SUCO: variants seen among roughly 807,000 people sequenced by gnomAD.
SUCO encodes the protein SUN domain-containing ossification factor.
In SUCO, 57 loss-of-function variants were observed where a neutral mutation model predicts 148.1. The observed-to-expected ratio is 0.38, with a 90% CI of 0.31 to 0.48. SUCO has a LOEUF of 0.48. Among genes scored for constraint, SUCO ranks in the 20% least tolerant of loss-of-function variants. SUCO has a pLI of 0.96. For synonymous variants in SUCO, 470 were observed against 502.7 expected, an observed-to-expected ratio of 0.93 and a Z score of 0.87; for missense variants, 1,331 against 1,468.2, an observed-to-expected ratio of 0.91 and a Z score of 1.53.
intron 2 of SUCO, chr1:172,552,504 C>T (rs944690196): frequency 3.3e-6 from 1 of 304,528 alleles, no homozygotes; most frequent in East Asian, 1.7e-4. Flanking sequence ...TGTGTGCACA[C>T]ATGTGGGTGT....
chr1:172,591,025 A>G lies in SUCO; in HGVS notation c.2867A>G (p.Lys956Arg). ...GAAGAAATGCAAAAGGCTTTCAATA[A>G]AACAATCGTGAAACTTCAGAATACT... The part of the protein sequence containing the change: ...QMEEMQKAFN[K>R]TIVKLQNTSR... The change falls in exon 19 of 24, where the codon AAA (lysine) becomes AGA (arginine). Residue 956 changes from lysine (K) to arginine (R), a missense_variant. Coordinates refer to ENST00000263688, the MANE Select transcript of SUCO (RefSeq NM_014283.5). 1.2e-6 allele frequency: 2 copies of G among 1,612,696 alleles called. No individual in the cohort carries two copies. Among genetic ancestry groups the G allele is most frequent in the Non-Finnish European group, 1.7e-6 (2 of 1,179,234 alleles).
chr1:172,540,050 T>C (rs1447467628), intron 1 of SUCO, among the ~76,000 whole-genome samples: 5 of 152,228 alleles, frequency 3.3e-5, no homozygotes, highest in African/African-American at 1.2e-4. Flanking sequence ...TTCAGTGTAA[T>C]ATGCATTAAA....
chr1:172,540,180 A>G (rs189345505), intron 1 of SUCO, among the ~76,000 whole-genome samples: 43 of 152,360 alleles, frequency 2.8e-4, no homozygotes, highest in Non-Finnish European at 1.0e-4. Context: ...CCAGGAAGCA[A>G]CAGAGCCAGA....
chr1:172,575,727 A>G lies in SUCO; in HGVS notation c.1263+104A>G, dbSNP rs374619016. On this transcript the variant is annotated intron_variant, in intron 11 of 23. Coordinates refer to ENST00000263688, the MANE Select transcript of SUCO (RefSeq NM_014283.5). ...AGAAATCAGAAAAGTTAAGAAATAGACTACACTATACCACTTAATAGATAA... is the reference window on the plus strand; with the variant it reads ...AGAAATCAGAAAAGTTAAGAAATAGGCTACACTATACCACTTAATAGATAA... 2.5e-5 allele frequency: 17 copies of G among 684,906 alleles called. No homozygotes were observed. In the Middle Eastern group the frequency reaches 9.8e-4, roughly 39 times the overall value. 42.4% of individuals were successfully genotyped at this position (684,906 alleles called of 1,614,324 possible). A position where few individuals can be genotyped will look rare whatever the true frequency, so the allele number is the denominator to read the frequency against.
chr1:172,569,643 CAT>C (rs1654798188), intron 7 of SUCO, among the ~76,000 whole-genome samples: 1 of 152,066 alleles, frequency 6.6e-6, no homozygotes, highest in South Asian at 2.1e-4. Flanking sequence ...CACCATGGCA[CAT>C]GTTTACCTAT....
intron 6 of SUCO, among the ~76,000 whole-genome samples, chr1:172,566,776 C>G (rs2149242756): frequency 6.6e-6 from 1 of 152,296 alleles, no homozygotes; most frequent in Non-Finnish European, 1.5e-5. Context: ...CCAGGTGTTG[C>G]CATGGCAGTG....
rs1177522962 is a variant in SUCO, at chr1:172,611,145, A to T, written c.*886A>T. ...ATAAAATTTGAAGGTTTGGCCAATT[A>T]GTACAAGTCTCATGATATAATCACT... On this transcript the variant is annotated 3_prime_UTR_variant, in exon 24 of 24. Transcript: ENST00000263688. 4 of 152,776 alleles carry T rather than the reference A, an allele frequency of 2.6e-5. No individual in the cohort carries two copies. Among genetic ancestry groups the T allele is most frequent in the Non-Finnish European group, 4.4e-5 (3 of 68,018 alleles). The allele number at this position is 152,776 out of a possible 1,614,324, so 9.5% of individuals were successfully genotyped here. A position where few individuals can be genotyped will look rare whatever the true frequency, so the allele number is the denominator to read the frequency against.
At chr1:172,584,769 C>G (rs1656119658) in intron 15 of SUCO, among the ~76,000 whole-genome samples, 1 of 152,136 alleles carries the variant, frequency 6.6e-6, no homozygotes, top group Admixed American at 6.6e-5. Context: ...GAGCAAGACT[C>G]CGTCTCCAAA....
intron 1 of SUCO, among the ~76,000 whole-genome samples, chr1:172,537,254 T>G (rs548462787): frequency 6.6e-6 from 1 of 152,302 alleles, no homozygotes; most frequent in African/African-American, 2.4e-5. Flanking sequence ...ATGTAATTAA[T>G]GCAAGTTAGA....
chr1:172,566,036 G>T (rs1654529488), intron 6 of SUCO, among the ~76,000 whole-genome samples: 1 of 152,202 alleles, frequency 6.6e-6, no homozygotes, highest in Non-Finnish European at 1.5e-5. Context: ...TGCTGCAGTG[G>T]GAGGGGCTTG....
chr1:172,536,789 T>C (rs1468363046), intron 1 of SUCO, among the ~76,000 whole-genome samples: 1 of 152,154 alleles, frequency 6.6e-6, no homozygotes, highest in African/African-American at 2.4e-5. Flanking sequence ...GAGAATCTTT[T>C]TCTAGAGGCC....
In SUCO at chr1:172,573,906, T is replaced by G. The variant is rs1018688594; in HGVS notation, c.1065T>G (p.Leu355=). The G allele has an allele frequency of 2.5e-5, 40 of 1,586,844 alleles. No homozygotes were observed. Among genetic ancestry groups the G allele is most frequent in the Non-Finnish European group, 3.3e-5 (38 of 1,158,864 alleles). ...CSTKIWFVIE[L]CEPIQVKQLD... is the part of the protein sequence containing the mutation. ...CTTTTTGAAGGTTTGTTATTGAACT[T>G]TGTGAACCAATTCAAGTAAAACAGC... The change falls in exon 10 of 24, where the codon CTT becomes CTG. Residue 355 remains leucine, a synonymous_variant. Transcript: ENST00000263688.
intron 1 of SUCO, among the ~76,000 whole-genome samples, chr1:172,545,207 T>G (rs1652768861): frequency 6.6e-6 from 1 of 152,138 alleles, no homozygotes; most frequent in Non-Finnish European, 1.5e-5. Flanking sequence ...TGAGATACCT[T>G]GGAATATGAA....
intron 15 of SUCO, 68 bp from the exon 16 acceptor site, chr1:172,584,950 T>C (rs899721447): frequency 3.0e-6 from 3 of 1,004,618 alleles, no homozygotes; most frequent in African/African-American, 1.7e-5. Context: ...ATTTTTTGAC[T>C]ATCTGATATT....
rs1653654261 is a variant in SUCO at position 172,555,341 on chromosome 1, A to T, written c.289-528A>T. On this transcript the variant is annotated intron_variant, in intron 3 of 23. Transcript: ENST00000263688. ...GTGCTGATAGAGGTTTTCAAATATG[A>T]ACAGGTGTTAGGTAGATTTCACATT... 3.1e-6 allele frequency: 3 copies of T among 980,622 alleles called. No homozygotes were observed. The South Asian group carries it at 1.4e-4, about 46-fold the overall frequency. 60.7% of individuals were successfully genotyped at this position (980,622 alleles called of 1,614,324 possible).
Position 172,589,899 on chromosome 1 carries a change from G to T in SUCO, c.2798G>T (p.Gly933Val), listed in dbSNP as rs1430036638. ...TTAGAAGTTAACATGTCTCTCAGTG[G>T]TCGCTATCTGGAGGAGCTTAGCCAA... ...KALEVNMSLS[G>V]RYLEELSQRY... The change falls in exon 18 of 24, where the codon GGT becomes GTT. Residue 933 changes from glycine to valine, a missense_variant. Coordinates refer to ENST00000263688, the MANE Select transcript of SUCO (RefSeq NM_014283.5). 6.5e-7 allele frequency: 1 copy of T among 1,533,746 alleles called. No individual in the cohort carries two copies. Among genetic ancestry groups the T allele is most frequent in the Non-Finnish European group, 8.7e-7 (1 of 1,152,004 alleles).
intron 6 of SUCO, among the ~76,000 whole-genome samples, chr1:172,559,581 T>C (rs1457899156): frequency 6.6e-6 from 1 of 151,992 alleles, no homozygotes; most frequent in Non-Finnish European, 1.5e-5. Flanking sequence ...CTTTGTGGAG[T>C]AGGGCTACCC....
At chr1:172,576,853 A>AT in intron 11 of SUCO, 1 of 808,264 alleles carries the variant, frequency 1.2e-6, no homozygotes, top group African/African-American at 1.9e-5. Context: ...TTACTTTCTG[A>AT]TTTTCATTTT....
At chr1:172,568,305 T>TTGCAA in intron 6 of SUCO, 1 of 906,000 alleles carries the variant, frequency 1.1e-6, no homozygotes, top group Non-Finnish European at 1.3e-6. Flanking sequence ...ATTCTTTGCT[T>TTGCAA]CCCACCCACC....
Sources: gnomAD v4.1 joint callset for allele counts (sites outside exome capture counted in the v4.1 genomes callset) on GRCh38, gnomAD v4.1.1 for gene constraint, MANE v1.5 for transcripts, NCBI Gene and HGNC (gene_info 2026-07-23, HGNC 2026-07-21) for gene names.